NUP58: variants seen among roughly 807,000 people sequenced by gnomAD.
The protein encoded by NUP58 is nucleoporin p58/p45.
NUP58 carries 17 observed loss-of-function variants against 70.1 expected under a neutral mutation model. The ratio of observed to expected loss-of-function variants is 0.24; its 90% CI spans 0.17 to 0.36. The LOEUF (loss-of-function observed/expected upper bound fraction) is 0.36, where lower values mean the gene tolerates loss of function less well. Among genes scored for constraint, NUP58 ranks in the 10% least tolerant of loss-of-function variants. The pLI, the probability that NUP58 is intolerant of heterozygous loss-of-function variation, is 1.00. For missense variants in NUP58, 644 were observed against 701.5 expected (o/e 0.92, Z 0.93); for synonymous variants, 275 against 257.6 (o/e 1.07, Z -0.65).
At chr13:25,319,033 T>C (rs2031066589) in intron 6 of NUP58, among the ~76,000 whole-genome samples, 2 of 152,118 alleles carry the variant, frequency 1.3e-5, no homozygotes, top group African/African-American at 4.8e-5. Flanking sequence ...ACAGATGTCT[T>C]CATAAAATGC....
At chr13:25,336,746 A>G (rs767383446) in intron 13 of NUP58, among the ~76,000 whole-genome samples, 190 bp from the exon 14 acceptor site, 5 of 152,096 alleles carry the variant, frequency 3.3e-5, no homozygotes, top group Non-Finnish European at 7.4e-5. Context: ...TAATTTTTAG[A>G]TAGATAAATC....
chr13:25,313,500 C>T, intron 4 of NUP58, 114 bp from the exon 5 acceptor site: 1 of 1,020,978 alleles, frequency 9.8e-7, no homozygotes, highest in South Asian at 2.4e-5. Context: ...AGTAGTTCTT[C>T]CAAAGAGCCA....
At chr13:25,304,660 G>C (rs1007440552) in intron 1 of NUP58, among the ~76,000 whole-genome samples, 5 of 150,934 alleles carry the variant, frequency 3.3e-5, no homozygotes, top group African/African-American at 1.2e-4. Context: ...GGGATTACAG[G>C]CACGCCACCA....
chr13:25,327,175 C>A, intron 11 of NUP58, 141 bp downstream of exon 11: 2 of 575,536 alleles, frequency 3.5e-6, no homozygotes, highest in East Asian at 5.8e-5. Context: ...CCTTTATTCC[C>A]TATAAATATA....
intron 3 of NUP58, among the ~76,000 whole-genome samples, chr13:25,310,785 T>G (rs2030627351): frequency 6.6e-6 from 1 of 152,146 alleles, no homozygotes; most frequent in African/African-American, 2.4e-5. Context: ...TCTCAGTGAT[T>G]TCAGGTTAAG....
chr13:25,320,464 T>C (rs1488129022), intron 7 of NUP58, 66 bp from the exon 8 acceptor site: 1 of 1,139,550 alleles, frequency 8.8e-7, no homozygotes, highest in African/African-American at 1.5e-5. Flanking sequence ...TAATACTCTA[T>C]TAAAACTCAG....
intron 9 of NUP58, 137 bp downstream of exon 9, chr13:25,321,230 A>C: frequency 1.5e-6 from 1 of 664,846 alleles, no homozygotes; most frequent in Non-Finnish European, 2.5e-6. Context: ...CAGATAACTC[A>C]TATACTTTAA....
At chr13:25,337,071 T>C in intron 14 of NUP58, 37 bp downstream of exon 14, 1 of 1,434,746 alleles carries the variant, frequency 7.0e-7, no homozygotes, top group Non-Finnish European at 9.6e-7. Context: ...ATTGAACTAT[T>C]ATATATTTGA....
chr13:25,321,638 C>T (rs758502681), intron 9 of NUP58, among the ~76,000 whole-genome samples: 4 of 152,120 alleles, frequency 2.6e-5, no homozygotes, highest in South Asian at 2.1e-4. Flanking sequence ...AATAGTAGGC[C>T]GGCCCTAGTG....
Position 25,319,310 on chromosome 13 carries a change from T to C in NUP58, c.686-16T>C, listed in dbSNP as rs1399973288. The C allele has an allele frequency of 1.9e-6, 3 of 1,611,950 alleles. No homozygotes were observed. The South Asian group carries it at 3.3e-5, about 18-fold the overall frequency. The stretch of plus-strand genomic sequence containing the variant: ...ATTACCAATTTTTTTTACGTGAAGC[T>C]TCTTGAATTTTCTAGGTGATAAAAC... On this transcript the variant is annotated splice_polypyrimidine_tract_variant and intron_variant, in intron 6 of 15. Transcript: ENST00000381736.
intron 9 of NUP58, among the ~76,000 whole-genome samples, chr13:25,324,462 T>C (rs961615461): frequency 6.6e-6 from 1 of 152,186 alleles, no homozygotes; most frequent in Non-Finnish European, 1.5e-5. Flanking sequence ...TCTAGCAGCA[T>C]GATATTGGGC....
chr13:25,331,243 G>A, intron 12 of NUP58, 114 bp from the exon 13 acceptor site: 1 of 973,166 alleles, frequency 1.0e-6, no homozygotes, highest in East Asian at 2.6e-5. Context: ...TTGCAGTTTG[G>A]ATTGAATGTA....
chr13:25,321,580 G>A (rs750505972), intron 9 of NUP58, among the ~76,000 whole-genome samples: 9 of 152,160 alleles, frequency 5.9e-5, no homozygotes, highest in Non-Finnish European at 1.0e-4. Flanking sequence ...ATGCTGTGTG[G>A]ATATTAAATT....
At chr13:25,310,067 G>A in intron 3 of NUP58, 1 of 369,840 alleles carries the variant, frequency 2.7e-6, no homozygotes, top group South Asian at 2.0e-5. Context: ...CTATCAGACA[G>A]GTTCTTCCTC....
At position 25,301,827 on chromosome 13, in the gene NUP58, C is replaced by T. The variant is rs2030013746; in HGVS notation, c.54C>T (p.Ala18=). 3.7e-6 allele frequency: 6 copies of T among 1,613,568 alleles called. No homozygotes were observed. In the Admixed American group the frequency reaches 6.7e-5, roughly 18 times the overall value. Residue 18 remains alanine, a synonymous_variant, in exon 1 of 16, where the codon GCC becomes GCT. Transcript: ENST00000381736. ...GSGTLGSTTV[A]AGGTSTGGVF... ...GGACTCTGGGCTCCACCACCGTGGC[C>T]GCCGGCGGGACCAGCACAGGCGGCG... is the stretch of plus-strand genomic sequence containing the variant.
Position 25,340,056 on chromosome 13 carries a change from C to G in NUP58, c.1722C>G (p.Ala574=). The part of the protein sequence containing the change: ...AGLTFGVSNP[A]SAGFGTGGQL... The stretch of plus-strand genomic sequence containing the variant: ...TGACTTTTGGGGTGTCCAATCCTGC[C>G]TCTGCAGGTTTTGGAACAGGAGGAC... The change falls in exon 16 of 16, where the codon GCC becomes GCG. Residue 574 remains alanine, a synonymous_variant. Coordinates refer to ENST00000381736, the MANE Select transcript of NUP58 (RefSeq NM_014089.4). 1 of 1,613,986 alleles carries G rather than the reference C, an allele frequency of 6.2e-7. No homozygotes were observed.
rs1331535013 is a variant in NUP58 at position 25,333,109 on chromosome 13, TCTC to T, written c.1435+1554_1435+1556del. 2.3e-5 allele frequency: 23 copies of T among 985,272 alleles called. No homozygotes were observed. In the East Asian group the frequency reaches 7.9e-4, roughly 34 times the overall value. The allele number at this position is 985,272 out of a possible 1,614,324, so 61.0% of individuals were successfully genotyped here. ...ATAAATACCTAAACTTGAAGCAAAA[TCTC>T]CTGTCAAGGGTTTGTGTGTGTGTGT... is the stretch of plus-strand genomic sequence containing the variant. On this transcript the variant is annotated intron_variant, in intron 13 of 15. Transcript: ENST00000381736.
intron 1 of NUP58, among the ~76,000 whole-genome samples, chr13:25,306,323 T>A (rs1232667276): frequency 7.0e-6 from 1 of 142,358 alleles, no homozygotes; most frequent in Non-Finnish European, 1.5e-5. Context: ...GAGAATGGGG[T>A]GAACCCGGGA....
chr13:25,301,936 A>G (rs1177977162), intron 1 of NUP58, 56 bp downstream of exon 1: 1 of 1,088,620 alleles, frequency 9.2e-7, no homozygotes, highest in African/African-American at 1.8e-5. Flanking sequence ...CCACCCCCGC[A>G]AAGCTCCCTT....
Sources: gnomAD v4.1 joint callset for allele counts (sites outside exome capture counted in the v4.1 genomes callset) on GRCh38, gnomAD v4.1.1 for gene constraint, MANE v1.5 for transcripts, NCBI Gene and HGNC (gene_info 2026-07-23, HGNC 2026-07-21) for gene names.